Variants in ZSCAN26 observed in about 807,000 individuals in gnomAD.
ZSCAN26 encodes zinc finger and SCAN domain containing 26.
In ZSCAN26, 26 loss-of-function variants were observed where a neutral mutation model predicts 23.0. The ratio of observed to expected loss-of-function variants is 1.13; its 90% confidence interval spans 0.83 to 1.57. ZSCAN26 has a LOEUF of 1.57. Among genes scored for constraint, ZSCAN26 ranks in the 40% most tolerant of loss-of-function variants. ZSCAN26 has a pLI of 0.00. For missense variants in ZSCAN26, 528 were observed against 568.5 expected (o/e 0.93, Z 0.72); for synonymous variants, 180 against 202.5 (o/e 0.89, Z 0.94).
chr6:28,267,805 C>T (rs1420072910), intron 1 of ZSCAN26, among the ~76,000 whole-genome samples: 1 of 152,064 alleles, frequency 6.6e-6, no homozygotes, highest in Non-Finnish European at 1.5e-5. Context: ...TGTTTTAAAG[C>T]TTCTTTACTT....
chr6:28,272,796 T>C lies in ZSCAN26; in HGVS notation c.538+9T>C, dbSNP rs1761757019. 4 of 1,605,748 alleles carry C rather than the reference T, an allele frequency of 2.5e-6. No individual in the cohort carries two copies. The African/African-American group carries it at 5.3e-5, about 21-fold the overall frequency. ...GCCTGAGAAAGAGAAGGGTAAGAATTGGATTGCATCTTCTGTGTGTGAGAC... is the reference window on the plus strand; with the variant it reads ...GCCTGAGAAAGAGAAGGGTAAGAATCGGATTGCATCTTCTGTGTGTGAGAC... On this transcript the variant is annotated intron_variant, in intron 3 of 3. Transcript: ENST00000421553.
At position 28,272,691 on chromosome 6, in the gene ZSCAN26, C is replaced by T. The variant is rs373814822; in HGVS notation, c.442C>T (p.Gln148Ter). ...CTAGGACCCAGACCAGCCAAAGAAA[C>T]AAAAAATACTTGTGGAGGAGATGGC... ...QQVDPDQPKK[Q>*]KILVEEMAPL... The change falls in exon 3 of 4, where the codon CAA becomes TAA. Residue 148 changes from glutamine to a stop codon, truncating the protein, a stop_gained. Transcript: ENST00000421553. LOFTEE classifies it high-confidence loss of function. The T allele has an allele frequency of 7.8e-5, 126 of 1,609,666 alleles. 1 individual carries two copies. The African/African-American group carries it at 1.2e-3, about 16-fold the overall frequency.
In ZSCAN26 at chr6:28,276,317, A is replaced by G. The variant is rs944512250; in HGVS notation, c.661A>G (p.Arg221Gly). ...TCATAATGAGGGCTCTAACTTGGAAAGGCATCAGGCCAAGCCCAAAGAGAA... is the reference window on the plus strand; with the variant it reads ...TCATAATGAGGGCTCTAACTTGGAAGGGCATCAGGCCAAGCCCAAAGAGAA... Reference protein sequence around the residue: ...EAHNEGSNLERHQAKPKEKIE... With the variant: ...EAHNEGSNLEGHQAKPKEKIE... The change falls in exon 4 of 4, where the codon AGG becomes GGG. Residue 221 changes from arginine to glycine, a missense_variant. Coordinates refer to ENST00000421553, the MANE Select transcript of ZSCAN26 (RefSeq NM_001023560.4). 6.2e-7 allele frequency: 1 copy of G among 1,614,032 alleles called. No individual in the cohort carries two copies. The highest frequency in any genetic ancestry group is 1.3e-5 in the African/African-American group (1 of 75,070).
chr6:28,269,798 A>G lies in ZSCAN26; in HGVS notation c.-66-2056A>G, dbSNP rs555827361. Among the ~76,000 whole-genome samples, 4 of 152,326 alleles carry G rather than the reference A, an allele frequency of 2.6e-5. No individual in the cohort carries two copies. In the South Asian group the frequency reaches 6.2e-4, roughly 24 times the overall value. On this transcript the variant is annotated intron_variant, in intron 1 of 3. Coordinates refer to ENST00000421553, the MANE Select transcript of ZSCAN26 (RefSeq NM_001023560.4). Reference sequence around the variant, plus strand: ...GGCAGTCTGTTTTAGTCAACAGTCTACCAATTTAAATGTTAATCTCATTCC... The same window carrying G: ...GGCAGTCTGTTTTAGTCAACAGTCTGCCAATTTAAATGTTAATCTCATTCC...
intron 3 of ZSCAN26, among the ~76,000 whole-genome samples, chr6:28,275,917 T>C (rs1761910226): frequency 6.6e-6 from 1 of 152,216 alleles, no homozygotes; most frequent in Admixed American, 6.5e-5. Flanking sequence ...GTTTATTTGC[T>C]TGCTTGCTAG....
chr6:28,274,031 C>T (rs1275123979), intron 3 of ZSCAN26, among the ~76,000 whole-genome samples: 1 of 152,010 alleles, frequency 6.6e-6, no homozygotes, highest in Non-Finnish European at 1.5e-5. Context: ...CCTTTATTTT[C>T]TTTGTCACTG....
At chr6:28,271,063 C>T (rs139727525) in intron 1 of ZSCAN26, among the ~76,000 whole-genome samples, 1 of 152,230 alleles carries the variant, frequency 6.6e-6, no homozygotes, top group East Asian at 1.9e-4. Context: ...ATGTAAGTGA[C>T]AGGGCTGGAT....
chr6:28,267,626 G>T (rs897689717), intron 1 of ZSCAN26, among the ~76,000 whole-genome samples: 2 of 152,212 alleles, frequency 1.3e-5, no homozygotes, highest in African/African-American at 4.8e-5. Context: ...GACCAGAGCG[G>T]TTGGAGCAGT....
In ZSCAN26 at chr6:28,276,463, T is replaced by C. The variant is rs773351205; in HGVS notation, c.807T>C (p.Ser269=). ...LCESDVCQSS[S]LTGHKKVLSR... ...AGTCTGATGTGTGTCAGAGTTCCAG[T>C]CTTACAGGACATAAGAAAGTCCTCT... Residue 269 remains serine, a synonymous_variant, in exon 4 of 4, where the codon AGT becomes AGC. Transcript: ENST00000421553. The C allele has an allele frequency of 1.9e-6, 3 of 1,613,962 alleles. No homozygotes were observed. In the East Asian group the frequency reaches 6.7e-5, roughly 36 times the overall value.
In ZSCAN26 at chr6:28,277,150, G is replaced by C; in HGVS notation, c.*54G>C. 6.5e-7 allele frequency: 1 copy of C among 1,545,132 alleles called. No individual in the cohort carries two copies. Among genetic ancestry groups the C allele is most frequent in the East Asian group, 2.3e-5 (1 of 44,422 alleles). ...GAGAAGGCACATTGACTAGCAAACA[G>C]CACTTTAGGAAAAGTCACCGTAGCC... On this transcript the variant is annotated 3_prime_UTR_variant, in exon 4 of 4. Coordinates refer to ENST00000421553, the MANE Select transcript of ZSCAN26 (RefSeq NM_001023560.4).
rs1254426681 is a variant in ZSCAN26 at position 28,271,853 on chromosome 6, G to A, written c.-66-1G>A. 1.2e-5 allele frequency: 16 copies of A among 1,346,238 alleles called. No individual in the cohort carries two copies. The highest frequency in any genetic ancestry group is 1.4e-5 in the Non-Finnish European group (14 of 999,708). 83.4% of individuals were successfully genotyped at this position (1,346,238 alleles called of 1,614,324 possible). A position where few individuals can be genotyped will look rare whatever the true frequency, so the allele number is the denominator to read the frequency against. ...TGTCACTCTTGTTACTATAATTTTA[G>A]GAGTGTCTCTGAAGATACAGTCCAA... On this transcript the variant is annotated splice_acceptor_variant, in intron 1 of 3. Transcript: ENST00000421553. LOFTEE classifies it low-confidence loss of function (5UTR_SPLICE).
rs768841058 is a variant in ZSCAN26 at position 28,272,116 on chromosome 6, G to C, written c.197G>C (p.Arg66Pro). 1.9e-6 allele frequency: 3 copies of C among 1,601,560 alleles called. No individual in the cohort carries two copies. Reference sequence around the variant, plus strand: ...CGTTATGAAGAGACCACAGGACCTCGAGAAGCACTAAGTCGGCTCCGGGAG... The same window carrying C: ...CGTTATGAAGAGACCACAGGACCTCCAGAAGCACTAAGTCGGCTCCGGGAG... Reference protein sequence around the residue: ...QLRYEETTGPREALSRLRELC... With the variant: ...QLRYEETTGPPEALSRLRELC... The change falls in exon 2 of 4, where the codon CGA (arginine) becomes CCA (proline). Residue 66 changes from arginine (R) to proline (P), a missense_variant. Coordinates refer to ENST00000421553, the MANE Select transcript of ZSCAN26 (RefSeq NM_001023560.4).
intron 1 of ZSCAN26, 148 bp from the exon 2 acceptor site, chr6:28,271,706 T>G: frequency 1.8e-6 from 1 of 546,010 alleles, no homozygotes; most frequent in South Asian, 3.0e-5. Context: ...TTCTGTAAGA[T>G]AGTTTTTTCC....
At chr6:28,267,313 G>C (rs981657931) in intron 1 of ZSCAN26, 100 bp downstream of exon 1, 1 of 152,486 alleles carries the variant, frequency 6.6e-6, no homozygotes, top group East Asian at 1.9e-4. Flanking sequence ...ATCTTCCCTC[G>C]ACCGAGGGGG....
chr6:28,273,740 A>G (rs978106324), intron 3 of ZSCAN26, among the ~76,000 whole-genome samples: 2 of 147,170 alleles, frequency 1.4e-5, no homozygotes, highest in African/African-American at 5.1e-5. Context: ...TTCTATTGAG[A>G]CAGGGTCTTG....
intron 3 of ZSCAN26, 141 bp from the exon 4 acceptor site, chr6:28,276,054 T>C: frequency 1.4e-6 from 1 of 708,988 alleles, no homozygotes; most frequent in Non-Finnish European, 2.3e-6. Context: ...ATTCTGTAAC[T>C]ATTTTACGCA....
chr6:28,276,330 A>G lies in ZSCAN26; in HGVS notation c.674A>G (p.Lys225Arg). ...EGSNLERHQA[K>R]PKEKIEYKCS... Reference sequence around the variant, plus strand: ...TCTAACTTGGAAAGGCATCAGGCCAAGCCCAAAGAGAAGATTGAGTATAAA... The same window carrying G: ...TCTAACTTGGAAAGGCATCAGGCCAGGCCCAAAGAGAAGATTGAGTATAAA... The change falls in exon 4 of 4, where the codon AAG becomes AGG. Residue 225 changes from lysine to arginine, a missense_variant. Lys to Arg is a conservative substitution (Grantham distance 26). Coordinates refer to ENST00000421553, the MANE Select transcript of ZSCAN26 (RefSeq NM_001023560.4). The G allele has an allele frequency of 1.9e-6, 3 of 1,614,052 alleles. No individual in the cohort carries two copies. The highest frequency in any genetic ancestry group is 2.5e-6 in the Non-Finnish European group (3 of 1,179,882).
Position 28,276,386 on chromosome 6 carries a change from C to T in ZSCAN26, c.730C>T (p.His244Tyr). The T allele has an allele frequency of 6.2e-7, 1 of 1,613,958 alleles. No homozygotes were observed. The highest frequency in any genetic ancestry group is 8.5e-7 in the Non-Finnish European group (1 of 1,179,884). The change falls in exon 4 of 4, where the codon CAC becomes TAC. Residue 244 changes from histidine (H) to tyrosine (Y), a missense_variant. Transcript: ENST00000421553. ...AGAACGTGAGCAGAGATTCATCCAG[C>T]ACTTGGACCTGATTGAACATGCGAG... ...CSEREQRFIQ[H>Y]LDLIEHASTH... is the part of the protein sequence containing the mutation.
intron 2 of ZSCAN26, 125 bp downstream of exon 2, chr6:28,272,464 C>T: frequency 1.6e-6 from 2 of 1,245,548 alleles, no homozygotes; most frequent in South Asian, 3.3e-5. Context: ...TCCAGTCTAG[C>T]TGTTAATTTC....
Sources: allele counts gnomAD v4.1 joint callset (sites outside exome capture counted in the v4.1 genomes callset), GRCh38; gene constraint gnomAD v4.1.1; transcripts MANE v1.5; gene names NCBI Gene and HGNC (gene_info 2026-07-23, HGNC 2026-07-21).